The following PARD3B variants were observed in gnomAD, a reference collection of about 807,000 sequenced individuals.
The protein encoded by PARD3B is partitioning defective 3 homolog B.
A neutral mutation model predicts 130.2 loss-of-function variants in PARD3B; 103 were observed. The ratio of observed to expected loss-of-function variants is 0.79; its 90% CI spans 0.67 to 0.93. The LOEUF (loss-of-function observed/expected upper bound fraction) is 0.93. Among genes scored for constraint, PARD3B ranks in the 40% least tolerant of loss-of-function variants. The probability of loss-of-function intolerance (pLI) is 0.00; values close to 1 mark genes in which losing one functional copy is unlikely to be tolerated. For missense variants in PARD3B, 1,609 were observed against 1,499.2 expected (o/e 1.07, Z -1.21); for synonymous variants, 583 against 553.2 (o/e 1.05, Z -0.76).
At chr2:205,390,530 G>A (rs375608560) in intron 18 of PARD3B, among the ~76,000 whole-genome samples, 4 of 152,282 alleles carry the variant, frequency 2.6e-5, no homozygotes, top group East Asian at 1.9e-4. Context: ...CATCAAAGAA[G>A]TGATAATTTT....
At chr2:204,988,536 C>A (rs1693377260) in intron 3 of PARD3B, among the ~76,000 whole-genome samples, 2 of 152,052 alleles carry the variant, frequency 1.3e-5, no homozygotes, top group African/African-American at 4.8e-5. Flanking sequence ...GGGGTGGATA[C>A]CCCATTCTCC....
intron 2 of PARD3B, among the ~76,000 whole-genome samples, chr2:204,775,004 A>G (rs1476650325): frequency 6.6e-6 from 1 of 152,154 alleles, no homozygotes; most frequent in Non-Finnish European, 1.5e-5. Flanking sequence ...ATATGTCTAA[A>G]AATGCCAATG....
In PARD3B at chr2:205,146,338, C is replaced by T. The variant is rs114295187; in HGVS notation, c.1435-12384C>T. 3.6e-3 allele frequency among the ~76,000 whole-genome samples: 555 copies of T among 152,232 alleles called. 5 individuals carry two copies. Among genetic ancestry groups the T allele is most frequent in the African/African-American group, 0.012 (518 of 41,546 alleles). Reference sequence around the variant, plus strand: ...TTCTCAGGATCAGGCCCATTATGCTCCCTTTTAAGGTTATTAAATTGTTAC... The same window carrying T: ...TTCTCAGGATCAGGCCCATTATGCTTCCTTTTAAGGTTATTAAATTGTTAC... On this transcript the variant is annotated intron_variant, in intron 10 of 22. Transcript: ENST00000406610. The surrounding 1 kb of genome is among the most constrained non-coding windows in gnomAD (Gnocchi z 4.3).
At chr2:205,117,185 A>G (rs542461657) in intron 6 of PARD3B, among the ~76,000 whole-genome samples, 3 of 152,202 alleles carry the variant, frequency 2.0e-5, no homozygotes, top group Non-Finnish European at 4.4e-5. Flanking sequence ...GAAAAAACCC[A>G]TAAGTTTTAT....
intron 2 of PARD3B, among the ~76,000 whole-genome samples, chr2:204,849,632 C>T (rs934209355): frequency 6.6e-6 from 1 of 152,148 alleles, no homozygotes. Flanking sequence ...ATACATTAGG[C>T]CTTCATGGGC....
At position 204,545,630 on chromosome 2, in the gene PARD3B, G is replaced by GCCAGGA. The variant is rs1329791022; in HGVS notation, c.-365_-360dup. 2.8e-3 allele frequency among the ~76,000 whole-genome samples: 422 copies of GCCAGGA among 152,122 alleles called. 8 individuals are homozygous for GCCAGGA. In the South Asian group the frequency reaches 0.035, roughly 13 times the overall value. ...CAACGCCGCCAGGGCCAGGGCCAGG[G>GCCAGGA]CCAGGACCAGCGACAGGGCAGGGCC... On this transcript the variant is annotated 5_prime_UTR_variant, in exon 1 of 23. Transcript: ENST00000406610.
intron 2 of PARD3B, among the ~76,000 whole-genome samples, chr2:204,840,847 A>G (rs2044233834): frequency 6.6e-6 from 1 of 152,164 alleles, no homozygotes; most frequent in Non-Finnish European, 1.5e-5. Flanking sequence ...CTTTTTCATT[A>G]TTAGCATTGT....
intron 3 of PARD3B, among the ~76,000 whole-genome samples, chr2:205,018,485 G>T (rs1696329158): frequency 6.6e-6 from 1 of 151,946 alleles, no homozygotes; most frequent in African/African-American, 2.4e-5. Context: ...TAAGAGCATT[G>T]GACTTGATGA....
chr2:205,224,217 A>G, intron 15 of PARD3B, among the ~76,000 whole-genome samples: 1 of 147,982 alleles, frequency 6.8e-6, no homozygotes, highest in Non-Finnish European at 1.5e-5. Flanking sequence ...AAAAATACAA[A>G]AAAATTAGCC....
intron 12 of PARD3B, 48 bp downstream of exon 12, chr2:205,172,429 A>G (rs1204571506): frequency 6.4e-7 from 1 of 1,554,816 alleles, no homozygotes; most frequent in Non-Finnish European, 8.8e-7. Flanking sequence ...AATTGCCACC[A>G]GAATATGCAG....
chr2:204,568,212 G>A (rs1280950191), intron 1 of PARD3B, among the ~76,000 whole-genome samples: 1 of 152,124 alleles, frequency 6.6e-6, no homozygotes, highest in Non-Finnish European at 1.5e-5. Flanking sequence ...TAGAAACATG[G>A]TCTCAGCTTC....
At chr2:205,101,978 A>C (rs1051292346) in intron 4 of PARD3B, among the ~76,000 whole-genome samples, 1 of 152,242 alleles carries the variant, frequency 6.6e-6, no homozygotes, top group South Asian at 2.1e-4. Context: ...TATACTGAAA[A>C]CCACTTAATT....
chr2:204,953,057 T>C (rs1689921412), intron 2 of PARD3B, among the ~76,000 whole-genome samples: 1 of 131,990 alleles, frequency 7.6e-6, no homozygotes. Context: ...TATATATACG[T>C]ATATATATAG....
intron 1 of PARD3B, among the ~76,000 whole-genome samples, chr2:204,663,150 A>C (rs780092151): frequency 3.3e-5 from 5 of 152,146 alleles, no homozygotes; most frequent in Non-Finnish European, 5.9e-5. Context: ...CCAAGCTGTA[A>C]CCATGGTTAC....
intron 11 of PARD3B, among the ~76,000 whole-genome samples, chr2:205,167,825 T>A (rs2034905420): frequency 6.6e-6 from 1 of 152,202 alleles, no homozygotes; most frequent in Admixed American, 6.5e-5. Context: ...CATCTTTACA[T>A]CTCCTAAATA....
In PARD3B at chr2:205,258,270, C is replaced by T. The variant is rs899218140; in HGVS notation, c.2185+12448C>T. On this transcript the variant is annotated intron_variant, in intron 16 of 22. Transcript: ENST00000406610. The surrounding 1 kb of genome is among the most constrained non-coding windows in gnomAD (Gnocchi z 4.9). The stretch of plus-strand genomic sequence containing the variant: ...CACTTTCCACCCTTTCCCGAGCCAC[C>T]GTCACCTGGAGAGCTTCAGTGAGGA... Among the ~76,000 whole-genome samples, 2 of 152,122 alleles carry T rather than the reference C, an allele frequency of 1.3e-5. No homozygotes were observed. The highest frequency in any genetic ancestry group is 2.4e-5 in the African/African-American group (1 of 41,418).
intron 1 of PARD3B, among the ~76,000 whole-genome samples, chr2:204,583,445 A>G (rs2032667815): frequency 9.2e-6 from 1 of 108,792 alleles, no homozygotes; most frequent in Non-Finnish European, 1.9e-5. Context: ...TGGTCACAGG[A>G]AGGGGAATAT....
At chr2:205,539,938 A>G (rs1268409428) in intron 21 of PARD3B, among the ~76,000 whole-genome samples, 1 of 152,208 alleles carries the variant, frequency 6.6e-6, no homozygotes, top group Non-Finnish European at 1.5e-5. Context: ...AAAGTAACTC[A>G]GGAACAGAGG....
At chr2:204,948,850 A>G (rs1443562532) in intron 2 of PARD3B, among the ~76,000 whole-genome samples, 1 of 152,182 alleles carries the variant, frequency 6.6e-6, no homozygotes, top group African/African-American at 2.4e-5. Flanking sequence ...TCCTTGACAG[A>G]TAATGGTATT....
Sources: gnomAD v4.1 joint callset for allele counts (sites outside exome capture counted in the v4.1 genomes callset) on GRCh38, gnomAD v4.1.1 for gene constraint, Gnocchi (gnomAD v3.1) non-coding constraint, MANE v1.5 for transcripts, NCBI Gene and HGNC (gene_info 2026-07-23, HGNC 2026-07-21) for gene names.